The following PKNOX2 variants were observed in gnomAD, a reference collection of about 807,000 sequenced individuals.
PKNOX2 encodes the protein PBX/knotted 1 homeobox 2.
In PKNOX2, 14 loss-of-function variants were observed where a neutral mutation model predicts 53.1. The ratio of observed to expected loss-of-function variants is 0.26; its 90% CI spans 0.17 to 0.41. The LOEUF (loss-of-function observed/expected upper bound fraction) is 0.41. Ranked by LOEUF, PKNOX2 falls within the 10% of genes least tolerant of loss-of-function variation. The pLI, the probability that PKNOX2 is intolerant of heterozygous loss-of-function variation, is 1.00. For missense variants in PKNOX2, 496 were observed against 602.8 expected, an observed-to-expected ratio of 0.82 and a Z score of 1.85; for synonymous variants, 257 against 242.8, an observed-to-expected ratio of 1.06 and a Z score of -0.54.
chr11:125,249,076 TACAC>T (rs1193393400), intron 2 of PKNOX2, among the ~76,000 whole-genome samples: 1 of 111,220 alleles, frequency 9.0e-6, no homozygotes, highest in Non-Finnish European at 2.0e-5. Flanking sequence ...AACACATATA[TACAC>T]ACACACATGT....
intron 11 of PKNOX2, 31 bp downstream of exon 11, chr11:125,429,119 C>A (rs750617425): frequency 2.6e-5 from 41 of 1,568,924 alleles, no homozygotes; most frequent in Non-Finnish European, 3.5e-5. Context: ...TGCAGGCTCC[C>A]AGATCCAGGG....
At position 125,352,017 on chromosome 11, in the gene PKNOX2, C is replaced by T. The variant is rs760584542; in HGVS notation, c.87+625C>T. On this transcript the variant is annotated intron_variant, in intron 4 of 12. Transcript: ENST00000298282. The surrounding 1 kb of genome is among the most constrained non-coding windows in gnomAD (Gnocchi z 4.1). Reference sequence around the variant, plus strand: ...CCAAGATCTTCTGCGCTCCCCACCCCGATTGCCTCTCCTGCAACATGCCCC... The same window carrying T: ...CCAAGATCTTCTGCGCTCCCCACCCTGATTGCCTCTCCTGCAACATGCCCC... Among the ~76,000 whole-genome samples, 1 of 152,140 alleles carries T rather than the reference C, an allele frequency of 6.6e-6. No individual in the cohort carries two copies. Among genetic ancestry groups the T allele is most frequent in the Non-Finnish European group, 1.5e-5 (1 of 68,028 alleles).
chr11:125,175,417 G>T (rs1735490692), intron 1 of PKNOX2, among the ~76,000 whole-genome samples: 1 of 152,202 alleles, frequency 6.6e-6, no homozygotes, highest in African/African-American at 2.4e-5. Flanking sequence ...GAGACAGGCT[G>T]CCACAGCTAG....
chr11:125,222,656 CTGTGTATGTGTG>C (rs1180044613), intron 1 of PKNOX2, among the ~76,000 whole-genome samples: 10 of 128,252 alleles, frequency 7.8e-5, no homozygotes, highest in Admixed American at 3.8e-4. Context: ...TATGTGTGTG[CTGTGTATGTGTG>C]TGTGTATGTG....
At chr11:125,306,706 A>G (rs1449136046) in intron 2 of PKNOX2, among the ~76,000 whole-genome samples, 5 of 152,124 alleles carry the variant, frequency 3.3e-5, no homozygotes, top group Non-Finnish European at 5.9e-5. Flanking sequence ...GGTGGAGGAG[A>G]GGTGAACAGC....
chr11:125,366,625 T>G (rs1434463794), intron 4 of PKNOX2, among the ~76,000 whole-genome samples: 2 of 152,266 alleles, frequency 1.3e-5, no homozygotes, highest in African/African-American at 4.8e-5. Context: ...TGTATGGTAC[T>G]CCAAAGAGGT....
intron 1 of PKNOX2, among the ~76,000 whole-genome samples, chr11:125,178,614 GAAAGAAAGAAAGAAAGAAA>G (rs1955893316): frequency 3.3e-5 from 2 of 60,770 alleles, no homozygotes; most frequent in African/African-American, 2.1e-4. Context: ...AGGAAGGAAA[GAAAGAAAGAAAGAAAGAAA>G]GAAAGAAAGA....
intron 10 of PKNOX2, among the ~76,000 whole-genome samples, chr11:125,423,494 T>C (rs1433843937): frequency 6.6e-6 from 1 of 152,204 alleles, no homozygotes; most frequent in Non-Finnish European, 1.5e-5. Flanking sequence ...AACCTGCAGA[T>C]GCCCACAGGA....
chr11:125,307,306 C>T (rs745400740), intron 2 of PKNOX2, among the ~76,000 whole-genome samples: 25 of 152,240 alleles, frequency 1.6e-4, no homozygotes, highest in East Asian at 3.9e-4. Context: ...AGCCTGGGTG[C>T]GGTGGCTCAC....
Position 125,377,963 on chromosome 11 carries a change from C to T in PKNOX2, c.228-7588C>T, listed in dbSNP as rs933403048. 3.9e-5 allele frequency among the ~76,000 whole-genome samples: 6 copies of T among 152,354 alleles called. 1 individual carries two copies. Among genetic ancestry groups the T allele is most frequent in the South Asian group, 2.1e-4 (1 of 4,828 alleles). On this transcript the variant is annotated intron_variant, in intron 5 of 12. Transcript: ENST00000298282. The stretch of plus-strand genomic sequence containing the variant: ...ATGAAGAGCCTGGAGCGCCCATCTG[C>T]GAGCGCTGGCTTCATTTCACCATCA...
At chr11:125,356,037 C>G (rs186959574) in intron 4 of PKNOX2, among the ~76,000 whole-genome samples, 1 of 148,802 alleles carries the variant, frequency 6.7e-6, no homozygotes, top group Non-Finnish European at 1.5e-5. Flanking sequence ...GCACCCCCCC[C>G]CCCACAACTT....
intron 1 of PKNOX2, among the ~76,000 whole-genome samples, chr11:125,183,198 CT>C (rs10676031): frequency 3.2e-3 from 273 of 85,784 alleles, no homozygotes; most frequent in African/African-American, 0.014. Context: ...GCGATGAATC[CT>C]TTTTTTTTTT....
chr11:125,217,512 G>C (rs200448529), intron 1 of PKNOX2, among the ~76,000 whole-genome samples: 5 of 152,346 alleles, frequency 3.3e-5, no homozygotes, highest in East Asian at 3.9e-4. Context: ...CTTCCTTGCA[G>C]AGTTGTTGTG....
intron 2 of PKNOX2, among the ~76,000 whole-genome samples, chr11:125,278,122 G>A (rs1946303711): frequency 6.6e-6 from 1 of 152,090 alleles, no homozygotes; most frequent in Non-Finnish European, 1.5e-5. Flanking sequence ...AGGAGGCTGA[G>A]GTGGGAGGAT....
chr11:125,371,860 G>T (rs1039599124), intron 5 of PKNOX2, among the ~76,000 whole-genome samples: 2 of 152,162 alleles, frequency 1.3e-5, no homozygotes, highest in Non-Finnish European at 2.9e-5. Context: ...CCAGAGAGTG[G>T]AGCTGCAGGT....
intron 2 of PKNOX2, among the ~76,000 whole-genome samples, chr11:125,286,886 G>A (rs1191797212): frequency 6.6e-6 from 1 of 152,232 alleles, no homozygotes; most frequent in African/African-American, 2.4e-5. Flanking sequence ...TATGTTGTGA[G>A]TGCGCAGGCA....
chr11:125,358,016 G>A (rs1422160351), intron 4 of PKNOX2, among the ~76,000 whole-genome samples: 1 of 152,080 alleles, frequency 6.6e-6, no homozygotes, highest in Non-Finnish European at 1.5e-5. Context: ...CTTAGTTTCT[G>A]CATTCATAAA....
intron 5 of PKNOX2, among the ~76,000 whole-genome samples, chr11:125,379,583 C>T (rs1591549148): frequency 6.6e-6 from 1 of 152,180 alleles, no homozygotes; most frequent in East Asian, 1.9e-4. Context: ...CTGAATCTTG[C>T]CTGCCCCATG....
chr11:125,286,422 CA>C (rs1164608633), intron 2 of PKNOX2, among the ~76,000 whole-genome samples: 3 of 152,244 alleles, frequency 2.0e-5, no homozygotes, highest in African/African-American at 7.2e-5. Flanking sequence ...TCTTCTCCAA[CA>C]AAGTGAATTT....
Sources: allele counts gnomAD v4.1 joint callset (sites outside exome capture counted in the v4.1 genomes callset), GRCh38; gene constraint gnomAD v4.1.1; non-coding constraint Gnocchi (gnomAD v3.1); transcripts MANE v1.5; gene names NCBI Gene and HGNC (gene_info 2026-07-23, HGNC 2026-07-21).